The following DPYD variants were observed in gnomAD, a reference collection of about 807,000 sequenced individuals.
DPYD encodes the protein dihydropyrimidine dehydrogenase [NADP(+)].
DPYD carries 109 observed loss-of-function variants against 116.2 expected under a neutral mutation model. The observed-to-expected ratio is 0.94, with a 90% CI of 0.80 to 1.10. The LOEUF is 1.10. DPYD is among the 50% of genes least tolerant of loss of function. The pLI is 0.00. For missense variants in DPYD, 1,302 were observed against 1,254.5 expected (o/e 1.04, Z -0.57); for synonymous variants, 440 against 432.0 (o/e 1.02, Z -0.23).
rs79336715 is a variant in DPYD, at chr1:97,136,334, G to A, written c.2623-37702C>T. Among the ~76,000 whole-genome samples the A allele has an allele frequency of 5.4e-3, 826 of 152,110 alleles. 7 individuals are homozygous for A. The highest frequency in any genetic ancestry group is 0.019 in the African/African-American group (775 of 41,502). ...TGTTTCTTTTTTCCATATAGTCTTC[G>A]CAATCACCCTATGAGGTCAGTACTG... On this transcript the variant is annotated intron_variant, in intron 20 of 22. Transcript: ENST00000370192.
intron 19 of DPYD, among the ~76,000 whole-genome samples, chr1:97,201,225 A>G (rs149118954): frequency 2.6e-5 from 4 of 152,278 alleles, no homozygotes; most frequent in African/African-American, 9.6e-5. Context: ...AGGTTTTAAT[A>G]TTTGGATGAC....
intron 20 of DPYD, among the ~76,000 whole-genome samples, chr1:97,135,028 T>C (rs983101): frequency 0.015 from 2,239 of 152,200 alleles, 41 homozygotes; most frequent in African/African-American, 0.051. Flanking sequence ...ATAATTGATA[T>C]TTTAAAAAAT....
chr1:97,419,487 A>C (rs1234450336), intron 14 of DPYD, among the ~76,000 whole-genome samples: 1 of 152,196 alleles, frequency 6.6e-6, no homozygotes, highest in Non-Finnish European at 1.5e-5. Context: ...ATAGGCACCG[A>C]TATTCCAATT....
intron 20 of DPYD, among the ~76,000 whole-genome samples, chr1:97,158,491 A>ACC (rs1462577719): frequency 1.4e-5 from 2 of 146,008 alleles, no homozygotes; most frequent in African/African-American, 2.6e-5. Context: ...ACACACACAC[A>ACC]CACACACACA....
At chr1:97,870,031 T>A (rs1236092011) in intron 2 of DPYD, among the ~76,000 whole-genome samples, 1 of 151,868 alleles carries the variant, frequency 6.6e-6, no homozygotes, top group Non-Finnish European at 1.5e-5. Context: ...TACACATAAA[T>A]GTAGTATATA....
intron 18 of DPYD, among the ~76,000 whole-genome samples, chr1:97,252,036 T>C (rs1663134383): frequency 7.0e-6 from 1 of 142,676 alleles, no homozygotes; most frequent in Non-Finnish European, 1.6e-5. Context: ...CTCAAGGGTG[T>C]TATTCCTATT....
Position 97,515,912 on chromosome 1 carries a change from C to T in DPYD, c.1554G>A (p.Lys518=), listed in dbSNP as rs369465750. The part of the protein sequence containing the change: ...QSQYGASVSA[K]PELPLFYTPI... The stretch of plus-strand genomic sequence containing the variant: ...GAGTGTAAAAGAGGGGTAGTTCAGG[C>T]TTGGCAGAAACGGAAGCTCCATATT... Residue 518 remains lysine (K), a synonymous_variant, in exon 13 of 23, where the codon AAG becomes AAA. Coordinates refer to ENST00000370192, the MANE Select transcript of DPYD (RefSeq NM_000110.4). 8.1e-6 allele frequency: 13 copies of T among 1,612,744 alleles called. No homozygotes were observed. The highest frequency in any genetic ancestry group is 9.3e-6 in the Non-Finnish European group (11 of 1,179,128).
intron 20 of DPYD, among the ~76,000 whole-genome samples, chr1:97,118,577 G>A (rs773234790): frequency 4.6e-5 from 7 of 152,096 alleles, no homozygotes; most frequent in Non-Finnish European, 2.9e-5. Flanking sequence ...CTGTTTAAGT[G>A]CCTGGAAACA....
chr1:97,334,628 G>T (rs1409144000), intron 16 of DPYD, among the ~76,000 whole-genome samples: 2 of 152,204 alleles, frequency 1.3e-5, no homozygotes, highest in African/African-American at 2.4e-5. Flanking sequence ...GCAAAGCAAT[G>T]AAAAGAATGT....
At chr1:97,514,404 C>T (rs1018678867) in intron 13 of DPYD, among the ~76,000 whole-genome samples, 17 of 151,788 alleles carry the variant, frequency 1.1e-4, no homozygotes, top group African/African-American at 4.1e-4. Flanking sequence ...TTTCGGTTTA[C>T]ATATATGTTT....
At chr1:97,489,787 A>T (rs1308747277) in intron 13 of DPYD, among the ~76,000 whole-genome samples, 1 of 152,240 alleles carries the variant, frequency 6.6e-6, no homozygotes, top group Non-Finnish European at 1.5e-5. Flanking sequence ...TAAGAAAACA[A>T]ACTTAGCATT....
chr1:97,696,035 CA>C (rs1661283771), intron 6 of DPYD, among the ~76,000 whole-genome samples: 1 of 150,922 alleles, frequency 6.6e-6, no homozygotes, highest in African/African-American at 2.4e-5. Context: ...GAGGCGGAGG[CA>C]GAAGAATCAC....
intron 3 of DPYD, among the ~76,000 whole-genome samples, chr1:97,795,163 G>C (rs1402531685): frequency 1.3e-5 from 2 of 151,878 alleles, no homozygotes; most frequent in Admixed American, 6.6e-5. Flanking sequence ...TACCAGTGTT[G>C]GGTAACTTCA....
chr1:97,699,281 C>A, intron 6 of DPYD, 70 bp downstream of exon 6: 1 of 1,448,482 alleles, frequency 6.9e-7, no homozygotes, highest in South Asian at 1.1e-5. Context: ...GATTATGAAC[C>A]AACAATATTC....
chr1:97,435,310 T>TAC (rs1675409361), intron 14 of DPYD, among the ~76,000 whole-genome samples: 1 of 151,868 alleles, frequency 6.6e-6, no homozygotes, highest in Non-Finnish European at 1.5e-5. Flanking sequence ...TTAGTATATA[T>TAC]TCTTACCAAA....
At chr1:97,887,306 T>TA (rs990959756) in intron 1 of DPYD, among the ~76,000 whole-genome samples, 15 of 150,370 alleles carry the variant, frequency 1.0e-4, no homozygotes, top group African/African-American at 3.4e-4. Flanking sequence ...CCCATCTCTA[T>TA]AAAAAATACA....
chr1:97,265,991 TA>T (rs1242576015), intron 18 of DPYD, among the ~76,000 whole-genome samples: 1 of 152,236 alleles, frequency 6.6e-6, no homozygotes, highest in Non-Finnish European at 1.5e-5. Flanking sequence ...GTGCTTTAAG[TA>T]AAGGTAAAAA....
chr1:97,385,413 A>G (rs72728444), intron 14 of DPYD, among the ~76,000 whole-genome samples: 242 of 151,586 alleles, frequency 1.6e-3, no homozygotes, highest in Middle Eastern at 0.01. Context: ...AAGGGCAGAG[A>G]CAGATACAGA....
chr1:97,186,047 T>C (rs1657974053), intron 20 of DPYD, among the ~76,000 whole-genome samples: 2 of 152,230 alleles, frequency 1.3e-5, no homozygotes, highest in South Asian at 2.1e-4. Context: ...GAAATTATAG[T>C]ATCCTCTTTT....
Sources: gnomAD v4.1 joint callset for allele counts (sites outside exome capture counted in the v4.1 genomes callset) on GRCh38, gnomAD v4.1.1 for gene constraint, MANE v1.5 for transcripts, NCBI Gene and HGNC (gene_info 2026-07-23, HGNC 2026-07-21) for gene names.